The following NCOA3 variants were observed in gnomAD, a reference collection of about 807,000 sequenced individuals.
NCOA3 encodes the protein nuclear receptor coactivator 3.
In NCOA3, 51 loss-of-function variants were observed where a neutral mutation model predicts 158.8. That is an observed-to-expected ratio of 0.32 (90% CI 0.26 to 0.41). The LOEUF is 0.41. Among genes scored for constraint, NCOA3 ranks in the 10% least tolerant of loss-of-function variants. The probability of loss-of-function intolerance (pLI) is 1.00; values close to 1 mark genes in which losing one functional copy is unlikely to be tolerated. For missense variants in NCOA3, 1,510 were observed against 1,746.6 expected (o/e 0.86, Z 2.41); for synonymous variants, 537 against 592.4 (o/e 0.91, Z 1.36).
At chr20:47,618,981 G>T (rs2086191687) in intron 2 of NCOA3, among the ~76,000 whole-genome samples, 1 of 152,164 alleles carries the variant, frequency 6.6e-6, no homozygotes, top group Non-Finnish European at 1.5e-5. Context: ...ATCAACTGTA[G>T]AAGTAAACAT....
chr20:47,537,757 T>C (rs1459660105), intron 1 of NCOA3, among the ~76,000 whole-genome samples: 1 of 152,060 alleles, frequency 6.6e-6, no homozygotes, highest in African/African-American at 2.4e-5. Context: ...TTTTTTCTAC[T>C]TTTAGTAGAG....
At chr20:47,640,717 T>TAAAA (rs1239786327) in intron 16 of NCOA3, among the ~76,000 whole-genome samples, 1 of 107,892 alleles carries the variant, frequency 9.3e-6, no homozygotes. Flanking sequence ...CTGTCTCTAC[T>TAAAA]AAAAAAAAAA....
At chr20:47,629,882 A>G (rs2086385379) in intron 8 of NCOA3, among the ~76,000 whole-genome samples, 1 of 152,246 alleles carries the variant, frequency 6.6e-6, no homozygotes, top group South Asian at 2.1e-4. Context: ...TATAAAAGTG[A>G]TACATGTTTA....
intron 2 of NCOA3, among the ~76,000 whole-genome samples, chr20:47,586,978 A>T (rs903971409): frequency 2.0e-5 from 3 of 152,220 alleles, no homozygotes; most frequent in African/African-American, 7.2e-5. Context: ...TTTGCCAAGC[A>T]ATAAGCAGCT....
chr20:47,608,640 CAAAA>C (rs148545557), intron 2 of NCOA3, among the ~76,000 whole-genome samples: 6 of 98,656 alleles, frequency 6.1e-5, no homozygotes, highest in African/African-American at 7.7e-5. Context: ...ACCCTGTCTC[CAAAA>C]AAAAAAAAAA....
Position 47,637,629 on chromosome 20 carries a change from T to G in NCOA3, c.2377-19T>G. ...GTCTGGTAATGTATACAGGTTAATT[T>G]TTAAAACTTTATTTTCAGGGATCTG... On this transcript the variant is annotated intron_variant, in intron 12 of 22. Coordinates refer to ENST00000371998, the MANE Select transcript of NCOA3 (RefSeq NM_181659.3). 1.3e-6 allele frequency: 2 copies of G among 1,590,790 alleles called. No individual in the cohort carries two copies. The highest frequency in any genetic ancestry group is 1.7e-6 in the Non-Finnish European group (2 of 1,170,482).
Position 47,534,825 on chromosome 20 carries a change from G to A in NCOA3, c.-99+32806G>A, listed in dbSNP as rs1159580743. 2.6e-5 allele frequency among the ~76,000 whole-genome samples: 4 copies of A among 152,120 alleles called. No individual in the cohort carries two copies. The East Asian group carries it at 7.7e-4, about 29-fold the overall frequency. On this transcript the variant is annotated intron_variant, in intron 1 of 22. Transcript: ENST00000371998. ...CAGCTGTTGGGTGGCTGAGGTGGGA[G>A]GATCGGTTGAGCCTGGGAAATGGAA...
In NCOA3 at chr20:47,602,121, A is replaced by G. The variant is rs913790367; in HGVS notation, c.-20+18860A>G. Among the ~76,000 whole-genome samples, 8 of 152,320 alleles carry G rather than the reference A, an allele frequency of 5.3e-5. No homozygotes were observed. In the East Asian group the frequency reaches 1.5e-3, roughly 29 times the overall value. On this transcript the variant is annotated intron_variant, in intron 2 of 22. Coordinates refer to ENST00000371998, the MANE Select transcript of NCOA3 (RefSeq NM_181659.3). Reference sequence around the variant, plus strand: ...ATCAGCAATGCAGGCTACTTCATTCATTTACATGGAATTTATCTTTTATAG... The same window carrying G: ...ATCAGCAATGCAGGCTACTTCATTCGTTTACATGGAATTTATCTTTTATAG...
chr20:47,586,527 C>T (rs966133857), intron 2 of NCOA3, among the ~76,000 whole-genome samples: 13 of 152,098 alleles, frequency 8.5e-5, no homozygotes, highest in African/African-American at 1.4e-4. Flanking sequence ...AAATGGACAT[C>T]GATGAAATCT....
At chr20:47,648,953 T>C in intron 18 of NCOA3, 52 bp from the exon 19 acceptor site, 1 of 1,150,074 alleles carries the variant, frequency 8.7e-7, no homozygotes, top group Non-Finnish European at 1.3e-6. Flanking sequence ...GAAAGCTGTT[T>C]TGGCAGACTG....
chr20:47,607,598 A>G (rs1010483571), intron 2 of NCOA3, among the ~76,000 whole-genome samples: 1 of 152,180 alleles, frequency 6.6e-6, no homozygotes, highest in African/African-American at 2.4e-5. Flanking sequence ...TACATGAGAT[A>G]TATTTATTAT....
At chr20:47,571,342 G>T in intron 1 of NCOA3, among the ~76,000 whole-genome samples, 1 of 147,882 alleles carries the variant, frequency 6.8e-6, no homozygotes, top group South Asian at 2.1e-4. Flanking sequence ...TTTTGAGACA[G>T]ATTCTCGCTC....
intron 1 of NCOA3, among the ~76,000 whole-genome samples, chr20:47,557,813 A>G (rs191271594): frequency 5.8e-4 from 89 of 152,296 alleles, no homozygotes; most frequent in Non-Finnish European, 2.6e-4. Context: ...TGAGGAACCA[A>G]TGATTACAAC....
intron 2 of NCOA3, among the ~76,000 whole-genome samples, chr20:47,602,366 G>T (rs2085878477): frequency 6.6e-6 from 1 of 152,168 alleles, no homozygotes; most frequent in Admixed American, 6.5e-5. Context: ...GACATAAATA[G>T]AATTGGAATG....
chr20:47,556,368 C>T (rs1407825014), intron 1 of NCOA3, among the ~76,000 whole-genome samples: 1 of 152,138 alleles, frequency 6.6e-6, no homozygotes, highest in Non-Finnish European at 1.5e-5. Context: ...TGACTAACTC[C>T]ACAAGGTTAG....
intron 2 of NCOA3, among the ~76,000 whole-genome samples, chr20:47,592,097 C>T (rs1380735492): frequency 6.6e-6 from 1 of 152,164 alleles, no homozygotes; most frequent in East Asian, 1.9e-4. Flanking sequence ...GGCTGGAGTG[C>T]AGTGGTGCTC....
At chr20:47,503,623 C>T (rs1376591711) in intron 1 of NCOA3, among the ~76,000 whole-genome samples, 1 of 152,028 alleles carries the variant, frequency 6.6e-6, no homozygotes, top group South Asian at 2.1e-4. Context: ...ACTGTTTTTG[C>T]TCTCTTAAAA....
At chr20:47,505,279 C>G (rs557535743) in intron 1 of NCOA3, among the ~76,000 whole-genome samples, 2 of 151,652 alleles carry the variant, frequency 1.3e-5, no homozygotes, top group Admixed American at 6.6e-5. Context: ...AGGCTGGTCT[C>G]GAACTCCCAA....
intron 2 of NCOA3, among the ~76,000 whole-genome samples, chr20:47,613,814 G>T (rs1233578778): frequency 6.6e-6 from 1 of 151,876 alleles, no homozygotes. Flanking sequence ...GGGAGGCTGA[G>T]GCAGGAGAAT....
Sources: allele counts gnomAD v4.1 joint callset (sites outside exome capture counted in the v4.1 genomes callset), GRCh38; gene constraint gnomAD v4.1.1; transcripts MANE v1.5; gene names NCBI Gene and HGNC (gene_info 2026-07-23, HGNC 2026-07-21).